Variants in DLG2 observed in about 807,000 individuals in gnomAD.
The protein encoded by DLG2 is discs large MAGUK scaffold protein 2, also known as disks large homolog 2.
DLG2 carries 45 observed loss-of-function variants against 132.5 expected under a neutral mutation model. The ratio of observed to expected loss-of-function variants is 0.34; its 90% CI spans 0.27 to 0.44. The LOEUF (loss-of-function observed/expected upper bound fraction) is 0.44, where lower values mean the gene tolerates loss of function less well. DLG2 is among the 20% of genes least tolerant of loss of function. The pLI is 1.00. For synonymous variants in DLG2, 424 were observed against 419.6 expected (o/e 1.01, Z -0.13); for missense variants, 1,045 against 1,196.9 (o/e 0.87, Z 1.87).
intron 6 of DLG2, among the ~76,000 whole-genome samples, chr11:85,088,154 A>C (rs2068237200): frequency 6.6e-6 from 1 of 152,044 alleles, no homozygotes; most frequent in Admixed American, 6.5e-5. Flanking sequence ...TATGCCAAAA[A>C]TGATGATGGG....
At chr11:85,188,422 T>C (rs1452731873) in intron 4 of DLG2, among the ~76,000 whole-genome samples, 1 of 152,154 alleles carries the variant, frequency 6.6e-6, no homozygotes, top group East Asian at 1.9e-4. Context: ...CTAGATTTGC[T>C]ATAATCTGGT....
chr11:83,803,074 T>C (rs1328564774), intron 17 of DLG2, among the ~76,000 whole-genome samples: 1 of 152,174 alleles, frequency 6.6e-6, no homozygotes, highest in Non-Finnish European at 1.5e-5. Context: ...AGGGGTTATG[T>C]AGGCAAATTT....
At chr11:83,466,308 A>T (rs941340572) in intron 26 of DLG2, among the ~76,000 whole-genome samples, 1 of 152,196 alleles carries the variant, frequency 6.6e-6, no homozygotes, top group African/African-American at 2.4e-5. Flanking sequence ...AGTATGAGAC[A>T]ATTAAAAAAT....
intron 8 of DLG2, among the ~76,000 whole-genome samples, chr11:84,240,181 C>T (rs978415279): frequency 1.3e-5 from 2 of 152,148 alleles, no homozygotes; most frequent in African/African-American, 4.8e-5. Context: ...GGTGGTAGGC[C>T]TCTTGGACTA....
At chr11:83,488,691 G>T (rs1167960446) in intron 21 of DLG2, among the ~76,000 whole-genome samples, 2 of 151,908 alleles carry the variant, frequency 1.3e-5, no homozygotes, top group African/African-American at 2.4e-5. Flanking sequence ...GCAGAATTTA[G>T]GTTTAAATTT....
At chr11:84,825,557 T>TGAAGA (rs2153987013) in intron 6 of DLG2, among the ~76,000 whole-genome samples, 1 of 152,032 alleles carries the variant, frequency 6.6e-6, no homozygotes, top group Non-Finnish European at 1.5e-5. Flanking sequence ...CCGCTGGTGT[T>TGAAGA]TATATTGCTA....
intron 3 of DLG2, among the ~76,000 whole-genome samples, chr11:85,483,434 G>A (rs1449912610): frequency 6.6e-6 from 1 of 152,170 alleles, no homozygotes; most frequent in Non-Finnish European, 1.5e-5. Context: ...CAAAAGCTAA[G>A]GGAGTTTATC....
intron 4 of DLG2, among the ~76,000 whole-genome samples, chr11:85,259,235 T>C (rs924886253): frequency 6.6e-6 from 1 of 152,074 alleles, no homozygotes; most frequent in Admixed American, 6.6e-5. Context: ...ATCTGGGTGT[T>C]TGAAAGTGTG....
At chr11:84,599,032 G>A (rs983034955) in intron 6 of DLG2, among the ~76,000 whole-genome samples, 2 of 151,872 alleles carry the variant, frequency 1.3e-5, no homozygotes, top group Non-Finnish European at 2.9e-5. Flanking sequence ...ATCACCTGAG[G>A]TCAGGAGTTC....
In DLG2 at chr11:83,461,338, T is replaced by C. The variant is rs550171468; in HGVS notation, c.2821+664A>G. On this transcript the variant is annotated intron_variant, in intron 27 of 27. Coordinates refer to ENST00000376104, the MANE Select transcript of DLG2 (RefSeq NM_001142699.3). ...TGTTTTTAAACCTCCGGGAACCAGG[T>C]GTAAGGCAAATTTCACAAAGTCTGA... is the stretch of plus-strand genomic sequence containing the variant. Among the ~76,000 whole-genome samples, 83 of 152,074 alleles carry C rather than the reference T, an allele frequency of 5.5e-4. 1 individual carries two copies. The highest frequency in any genetic ancestry group is 1.9e-3 in the African/African-American group (80 of 41,484).
chr11:84,146,922 G>A (rs935848515), intron 9 of DLG2, among the ~76,000 whole-genome samples: 29 of 152,020 alleles, frequency 1.9e-4, no homozygotes, highest in African/African-American at 6.5e-4. Flanking sequence ...TTTCTCTGCA[G>A]GAAGGCTCAT....
chr11:83,986,047 GA>G lies in DLG2; in HGVS notation c.920-5406del, dbSNP rs1032025211. 1.9e-4 allele frequency among the ~76,000 whole-genome samples: 29 copies of G among 151,220 alleles called. 1 individual carries two copies. The highest frequency in any genetic ancestry group is 6.8e-4 in the African/African-American group (28 of 41,190). On this transcript the variant is annotated intron_variant, in intron 11 of 27. Coordinates refer to ENST00000376104, the MANE Select transcript of DLG2 (RefSeq NM_001142699.3). ...TTTTGACTTTTTTTTTAAACCAATA[GA>G]TTTTTTTATTTTATTTTATTATTAT...
At position 85,409,529 on chromosome 11, in the gene DLG2, G is replaced by C. The variant is rs1244441948; in HGVS notation, c.41-124164C>G. On this transcript the variant is annotated intron_variant, in intron 3 of 27. Transcript: ENST00000376104. ...AGGAGAAAAAAATGGATACAGAAAA[G>C]AAACTGCCTAGGATTAAGGAGTTCA... Among the ~76,000 whole-genome samples the C allele has an allele frequency of 2.6e-5, 4 of 151,882 alleles. No individual in the cohort carries two copies. In the South Asian group the frequency reaches 6.2e-4, roughly 24 times the overall value.
intron 25 of DLG2, among the ~76,000 whole-genome samples, chr11:83,467,810 T>TACATATATATATATATATATATATACAC (rs2091395700): frequency 3.3e-4 from 32 of 96,294 alleles, no homozygotes; most frequent in Middle Eastern, 7.1e-3. Flanking sequence ...TATATATATA[T>TACATATATATATATATATATATATACAC]ACACACACAC....
chr11:84,113,610 T>C (rs1220980139), intron 9 of DLG2, among the ~76,000 whole-genome samples: 2 of 152,154 alleles, frequency 1.3e-5, no homozygotes, highest in Non-Finnish European at 2.9e-5. Context: ...TTTTTTCTGA[T>C]AGGATGGGTG....
intron 3 of DLG2, among the ~76,000 whole-genome samples, chr11:85,467,142 A>T (rs1163264766): frequency 1.3e-5 from 2 of 152,076 alleles, no homozygotes; most frequent in Non-Finnish European, 2.9e-5. Flanking sequence ...AATGCTTGTG[A>T]TTTTTGCAAT....
intron 8 of DLG2, among the ~76,000 whole-genome samples, chr11:84,172,702 G>A (rs977585869): frequency 7.9e-5 from 12 of 151,802 alleles, no homozygotes; most frequent in South Asian, 2.1e-4. Flanking sequence ...GCCACCATGC[G>A]CAGCTAATTT....
chr11:85,568,630 T>C (rs1413821509), intron 3 of DLG2, among the ~76,000 whole-genome samples: 1 of 152,218 alleles, frequency 6.6e-6, no homozygotes, highest in East Asian at 1.9e-4. Context: ...TTCCTTTTTA[T>C]TCAGTTTTGG....
intron 3 of DLG2, among the ~76,000 whole-genome samples, chr11:85,308,763 T>A (rs1302847913): frequency 6.6e-6 from 1 of 152,198 alleles, no homozygotes; most frequent in Non-Finnish European, 1.5e-5. Flanking sequence ...TTAACTTTAC[T>A]ATATAAGCTT....
Sources: gnomAD v4.1 joint callset for allele counts (sites outside exome capture counted in the v4.1 genomes callset) on GRCh38, gnomAD v4.1.1 for gene constraint, MANE v1.5 for transcripts, NCBI Gene and HGNC (gene_info 2026-07-23, HGNC 2026-07-21) for gene names.